Variants in COL14A1 observed in about 807,000 individuals in gnomAD.
COL14A1 encodes the protein collagen type XIV alpha 1 chain.
In COL14A1, 136 loss-of-function variants were observed where a neutral mutation model predicts 230.3. The observed-to-expected ratio is 0.59, with a 90% CI of 0.51 to 0.68. COL14A1 has a LOEUF of 0.68. COL14A1 is among the 30% of genes least tolerant of loss of function. The pLI is 0.00. For synonymous variants in COL14A1, 792 were observed against 784.1 expected (o/e 1.01, Z -0.17); for missense variants, 1,976 against 2,215.8 (o/e 0.89, Z 2.17).
At chr8:120,245,724 G>T (rs113771898) in intron 20 of COL14A1, among the ~76,000 whole-genome samples, 2 of 152,244 alleles carry the variant, frequency 1.3e-5, no homozygotes, top group African/African-American at 4.8e-5. Flanking sequence ...CACATGTCTG[G>T]CATCTTGGTG....
intron 45 of COL14A1, among the ~76,000 whole-genome samples, chr8:120,363,286 T>A (rs1368166163): frequency 6.6e-6 from 1 of 152,170 alleles, no homozygotes; most frequent in Non-Finnish European, 1.5e-5. Flanking sequence ...GAGACATGGA[T>A]GAAGCTAGAA....
intron 7 of COL14A1, among the ~76,000 whole-genome samples, chr8:120,199,003 G>A (rs1817138686): frequency 6.6e-6 from 1 of 152,152 alleles, no homozygotes; most frequent in South Asian, 2.1e-4. Context: ...AAAAAACAAA[G>A]AGAGGGATTT....
At chr8:120,286,168 T>G (rs1465300822) in intron 33 of COL14A1, among the ~76,000 whole-genome samples, 198 bp downstream of exon 33, 1 of 152,116 alleles carries the variant, frequency 6.6e-6, no homozygotes, top group Non-Finnish European at 1.5e-5. Flanking sequence ...TGTGCATTTT[T>G]TTTTTTGGCA....
At chr8:120,341,508 T>A (rs1822297577) in intron 43 of COL14A1, 148 bp downstream of exon 43, 1 of 895,040 alleles carries the variant, frequency 1.1e-6, no homozygotes, top group South Asian at 1.9e-5. Context: ...TTCATTAGAC[T>A]GTGGCCATAT....
intron 24 of COL14A1, 46 bp downstream of exon 24, chr8:120,263,060 C>T (rs770702280): frequency 2.0e-6 from 3 of 1,510,316 alleles, no homozygotes; most frequent in Admixed American, 4.7e-5. Flanking sequence ...CATGAACAAA[C>T]AGAATTTCAG....
chr8:120,265,585 A>C (rs1359011157), intron 24 of COL14A1, among the ~76,000 whole-genome samples: 2 of 151,764 alleles, frequency 1.3e-5, no homozygotes, highest in Non-Finnish European at 2.9e-5. Flanking sequence ...ACACATATAT[A>C]TACATATTTA....
At chr8:120,280,602 C>A in intron 29 of COL14A1, 109 bp from the exon 30 acceptor site, 2 of 1,041,412 alleles carry the variant, frequency 1.9e-6, no homozygotes, top group Non-Finnish European at 2.9e-6. Context: ...ATTCTCTCCA[C>A]AATCAACTTC....
intron 38 of COL14A1, 138 bp from the exon 39 acceptor site, chr8:120,315,395 T>C (rs79367463): frequency 3.0e-6 from 1 of 337,310 alleles, no homozygotes; most frequent in Non-Finnish European, 5.2e-6. Context: ...AAAAAAAAAG[T>C]GTATATATAT....
rs1469848804 is a variant in COL14A1 at position 120,208,326 on chromosome 8, C to T, written c.1286C>T (p.Thr429Ile). ...GCAGTCTTTGCAATCTATGCCCACACTGCTAGTGAAGGCCTACGGGGAACT... is the reference window on the plus strand; with the variant it reads ...GCAGTCTTTGCAATCTATGCCCACATTGCTAGTGAAGGCCTACGGGGAACT... Reference protein sequence around the residue: ...QIAVFAIYAHTASEGLRGTET... With the variant: ...QIAVFAIYAHIASEGLRGTET... The change falls in exon 11 of 48, where the codon ACT becomes ATT. Residue 429 changes from threonine (T) to isoleucine (I), a missense_variant. Thr to Ile is a moderately conservative substitution (Grantham distance 89). Coordinates refer to ENST00000297848, the MANE Select transcript of COL14A1 (RefSeq NM_021110.4). The T allele has an allele frequency of 6.2e-7, 1 of 1,613,548 alleles. No individual in the cohort carries two copies. Among genetic ancestry groups the T allele is most frequent in the African/African-American group, 1.3e-5 (1 of 74,920 alleles).
In COL14A1 at chr8:120,203,851, A is replaced by C; in HGVS notation, c.1020A>C (p.Glu340Asp). 6.2e-7 allele frequency: 1 copy of C among 1,613,828 alleles called. No individual in the cohort carries two copies. Among genetic ancestry groups the C allele is most frequent in the Non-Finnish European group, 8.5e-7 (1 of 1,179,814 alleles). Residue 340 changes from glutamate (E) to aspartate (D), a missense_variant, in exon 9 of 48, where the codon GAA becomes GAC. Physicochemically the swap from Glu to Asp is conservative, Grantham distance 45. Coordinates refer to ENST00000297848, the MANE Select transcript of COL14A1 (RefSeq NM_021110.4). ...GGACTCTCTGCTCTAGAGTGGAAGA[A>C]CAGGACAGAGAAATTAAAGGTAAAA... ...LTRTLCSRVE[E>D]QDREIKASAH...
intron 9 of COL14A1, among the ~76,000 whole-genome samples, chr8:120,205,381 T>C (rs1352218133): frequency 6.6e-6 from 1 of 152,174 alleles, no homozygotes; most frequent in African/African-American, 2.4e-5. Flanking sequence ...TTTCAGCATC[T>C]TCTTATGCTT....
intron 41 of COL14A1, among the ~76,000 whole-genome samples, 174 bp from the exon 42 acceptor site, chr8:120,332,490 C>CT (rs1323206698): frequency 6.6e-6 from 1 of 152,050 alleles, no homozygotes; most frequent in Non-Finnish European, 1.5e-5. Context: ...AGTGAGGAGA[C>CT]TAAAAAAAAG....
intron 40 of COL14A1, among the ~76,000 whole-genome samples, chr8:120,331,321 G>A (rs1177073784): frequency 6.6e-6 from 1 of 151,966 alleles, no homozygotes; most frequent in East Asian, 1.9e-4. Flanking sequence ...AGTAACAGGT[G>A]GTGTTTGGAA....
intron 18 of COL14A1, among the ~76,000 whole-genome samples, chr8:120,230,204 T>C (rs1163878075): frequency 6.6e-6 from 1 of 152,132 alleles, no homozygotes; most frequent in Non-Finnish European, 1.5e-5. Context: ...ATTCTTACCA[T>C]GTTTTCCTTG....
In COL14A1 at chr8:120,225,134, C is replaced by T; in HGVS notation, c.1784C>T (p.Pro595Leu). 1 of 1,612,700 alleles carries T rather than the reference C, an allele frequency of 6.2e-7. No individual in the cohort carries two copies. Among genetic ancestry groups the T allele is most frequent in the East Asian group, 2.2e-5 (1 of 44,824 alleles). ...ITTFPLKGLT[P>L]LTEYTIAIFS... ...ACCTTCCCTCTGAAGGGCTTGACAC[C>T]TCTCACAGAGTATACTATTGCTATT... Residue 595 changes from proline to leucine, a missense_variant, in exon 15 of 48, where the codon CCT (proline) becomes CTT (leucine). Pro to Leu is a moderately conservative substitution (Grantham distance 98). This residue lies in a region of COL14A1 where 1,791 missense variants were observed against 2,019.5 expected (regional missense o/e 0.89). Coordinates refer to ENST00000297848, the MANE Select transcript of COL14A1 (RefSeq NM_021110.4).
chr8:120,202,653 C>A (rs1817288148), intron 8 of COL14A1, among the ~76,000 whole-genome samples: 1 of 151,974 alleles, frequency 6.6e-6, no homozygotes, highest in Non-Finnish European at 1.5e-5. Flanking sequence ...AATAGGGGAA[C>A]AATAGTTCCA....
chr8:120,149,394 A>G (rs1815196704), intron 2 of COL14A1, among the ~76,000 whole-genome samples: 1 of 152,200 alleles, frequency 6.6e-6, no homozygotes, highest in African/African-American at 2.4e-5. Flanking sequence ...AACACACAGC[A>G]GGCAGTTTGG....
intron 40 of COL14A1, among the ~76,000 whole-genome samples, chr8:120,318,060 C>T (rs1272554643): frequency 6.6e-6 from 1 of 152,148 alleles, no homozygotes; most frequent in Non-Finnish European, 1.5e-5. Context: ...AAGGCAATAT[C>T]ATTTCAATGT....
chr8:120,369,065 T>C (rs1388864317), intron 46 of COL14A1, among the ~76,000 whole-genome samples: 2 of 152,162 alleles, frequency 1.3e-5, no homozygotes, highest in Non-Finnish European at 2.9e-5. Context: ...CCCTTTAACA[T>C]CCAAGAGGAA....
Sources: allele counts gnomAD v4.1 joint callset (sites outside exome capture counted in the v4.1 genomes callset), GRCh38; gene constraint gnomAD v4.1.1; regional missense constraint gnomAD v4.1.1; transcripts MANE v1.5; gene names NCBI Gene and HGNC (gene_info 2026-07-23, HGNC 2026-07-21).